Variants in RNF220 observed in about 807,000 individuals in gnomAD.
RNF220 encodes ring finger protein 220.
RNF220 carries 7 observed loss-of-function variants against 67.1 expected under a neutral mutation model. The ratio of observed to expected loss-of-function variants is 0.10; its 90% CI spans 0.06 to 0.20. The LOEUF (loss-of-function observed/expected upper bound fraction) is 0.20. RNF220 is among the 10% of genes least tolerant of loss of function. RNF220 has a pLI of 1.00. For missense variants in RNF220, 565 were observed against 740.3 expected, an observed-to-expected ratio of 0.76 and a Z score of 2.75; for synonymous variants, 270 against 283.2, an observed-to-expected ratio of 0.95 and a Z score of 0.47.
intron 1 of RNF220, among the ~76,000 whole-genome samples, chr1:44,411,555 CGTATAG>C (rs577154540): frequency 6.0e-4 from 91 of 152,168 alleles, no homozygotes; most frequent in African/African-American, 1.8e-3. Context: ...TGTGGGGAAT[CGTATAG>C]GTAGAATGTG....
chr1:44,628,807 A>C (rs58678671), intron 5 of RNF220, among the ~76,000 whole-genome samples: 6,362 of 152,238 alleles, frequency 0.042, 315 homozygotes, highest in East Asian at 0.16. Flanking sequence ...TATCCTTCCA[A>C]ATCCTGCCCA....
chr1:44,497,310 G>A (rs772107499), intron 2 of RNF220, among the ~76,000 whole-genome samples: 1 of 148,188 alleles, frequency 6.7e-6, no homozygotes, highest in South Asian at 2.2e-4. Context: ...TTCTTGGCAC[G>A]TATCTATATG....
At chr1:44,465,615 G>A (rs1654205665) in intron 2 of RNF220, among the ~76,000 whole-genome samples, 1 of 152,026 alleles carries the variant, frequency 6.6e-6, no homozygotes, top group African/African-American at 2.4e-5. Flanking sequence ...GATCAAAAAG[G>A]TTTTAATAGT....
intron 2 of RNF220, among the ~76,000 whole-genome samples, chr1:44,570,101 A>G (rs989054433): frequency 2.6e-5 from 4 of 152,166 alleles, no homozygotes; most frequent in Admixed American, 6.5e-5. Flanking sequence ...CGATGGGTAT[A>G]TATTTTGGGT....
At position 44,412,411 on chromosome 1, in the gene RNF220, A is replaced by G; in HGVS notation, c.314A>G (p.Asp105Gly). ...CCTCAATTTGCTCCCCCAAATCTAGATTGCACCCCAATCAGTATGCTGAAT... is the reference window on the plus strand; with the variant it reads ...CCTCAATTTGCTCCCCCAAATCTAGGTTGCACCCCAATCAGTATGCTGAAT... The part of the protein sequence containing the change: ...LHPQFAPPNL[D>G]CTPISMLNHS... The change falls in exon 2 of 15, where the codon GAT becomes GGT. Residue 105 changes from aspartate (D) to glycine (G), a missense_variant. Physicochemically the swap from Asp to Gly is moderately conservative, Grantham distance 94. Transcript: ENST00000361799. The surrounding 1 kb of genome is among the most constrained non-coding windows in gnomAD (Gnocchi z 5.3). 1 of 1,613,060 alleles carries G rather than the reference A, an allele frequency of 6.2e-7. No individual in the cohort carries two copies. Among genetic ancestry groups the G allele is most frequent in the South Asian group, 1.1e-5 (1 of 91,026 alleles).
chr1:44,558,310 G>A lies in RNF220; in HGVS notation c.626-55855G>A, dbSNP rs371194664. 7.2e-5 allele frequency among the ~76,000 whole-genome samples: 11 copies of A among 152,282 alleles called. No homozygotes were observed. In the East Asian group the frequency reaches 9.6e-4, roughly 13 times the overall value. On this transcript the variant is annotated intron_variant, in intron 2 of 14. Transcript: ENST00000361799. The stretch of plus-strand genomic sequence containing the variant: ...ATGGCCCAGCCCCCACTGTATATGC[G>A]TATGCACACCAAGGGCCATACCTTT...
Position 44,650,881 on chromosome 1 carries a change from TACATACATGC to T in RNF220, c.*113_*122del. 3 of 966,732 alleles carry T rather than the reference TACATACATGC, an allele frequency of 3.1e-6. No individual in the cohort carries two copies. The highest frequency in any genetic ancestry group is 4.9e-6 in the Non-Finnish European group (3 of 608,560). The allele number at this position is 966,732 out of a possible 1,614,324, so 59.9% of individuals were successfully genotyped here. On this transcript the variant is annotated 3_prime_UTR_variant, in exon 15 of 15. Coordinates refer to ENST00000361799, the MANE Select transcript of RNF220 (RefSeq NM_018150.4). This position sits in a 1 kb window ranked among gnomAD's most constrained non-coding sequence, Gnocchi z 4.3. ...CATACTTGCACACAGGTTCCCCATG[TACATACATGC>T]ACATACTCAAACATGCGTACACACA...
At chr1:44,485,184 G>T (rs1656178321) in intron 2 of RNF220, among the ~76,000 whole-genome samples, 1 of 152,112 alleles carries the variant, frequency 6.6e-6, no homozygotes, top group Non-Finnish European at 1.5e-5. Flanking sequence ...CTGTCTTTGT[G>T]GCTCAGTTGA....
intron 2 of RNF220, among the ~76,000 whole-genome samples, chr1:44,460,646 C>G (rs1016537348): frequency 6.6e-6 from 1 of 152,134 alleles, no homozygotes; most frequent in African/African-American, 2.4e-5. Flanking sequence ...CTGCACTAAC[C>G]ACTTCTTACT....
At position 44,416,587 on chromosome 1, in the gene RNF220, G is replaced by A. The variant is rs529696301; in HGVS notation, c.625+3865G>A. ...CCTGCCAGCCTATCCACTCAGCCCA[G>A]ATTGGAGTTGGCGAAGTATACATGC... On this transcript the variant is annotated intron_variant, in intron 2 of 14. Coordinates refer to ENST00000361799, the MANE Select transcript of RNF220 (RefSeq NM_018150.4). Among the ~76,000 whole-genome samples the A allele has an allele frequency of 4.6e-5, 7 of 152,350 alleles. No homozygotes were observed. In the South Asian group the frequency reaches 1.0e-3, roughly 23 times the overall value.
At chr1:44,508,162 C>A (rs1658616206) in intron 2 of RNF220, among the ~76,000 whole-genome samples, 1 of 137,666 alleles carries the variant, frequency 7.3e-6, no homozygotes, top group Non-Finnish European at 1.5e-5. Context: ...AATGACCTTT[C>A]TTTCCCGAGG....
intron 2 of RNF220, among the ~76,000 whole-genome samples, chr1:44,483,563 G>T (rs1471344063): frequency 6.6e-6 from 1 of 152,170 alleles, no homozygotes; most frequent in Non-Finnish European, 1.5e-5. Flanking sequence ...TAGCTAAAGG[G>T]GTATGGAGGT....
intron 2 of RNF220, among the ~76,000 whole-genome samples, chr1:44,530,077 A>G (rs1660717033): frequency 6.6e-6 from 1 of 152,030 alleles, no homozygotes; most frequent in African/African-American, 2.4e-5. Context: ...ATTAAAATTA[A>G]ATAATAAAAA....
chr1:44,535,958 C>T (rs1217499749), intron 2 of RNF220, among the ~76,000 whole-genome samples: 3 of 152,160 alleles, frequency 2.0e-5, no homozygotes, highest in Non-Finnish European at 2.9e-5. Flanking sequence ...GCCTGGGGAG[C>T]GGTGAGAAAG....
At chr1:44,483,290 T>C (rs1178939950) in intron 2 of RNF220, among the ~76,000 whole-genome samples, 1 of 152,196 alleles carries the variant, frequency 6.6e-6, no homozygotes, top group African/African-American at 2.4e-5. Context: ...TGCAGCCGGT[T>C]AGACCTGTTC....
intron 8 of RNF220, chr1:44,643,028 C>G (rs1011262407): frequency 2.0e-5 from 3 of 152,422 alleles, no homozygotes; most frequent in Non-Finnish European, 4.4e-5. Flanking sequence ...GGAGACAGAG[C>G]TGTAACTTGG....
chr1:44,486,240 C>T (rs1325104774), intron 2 of RNF220, among the ~76,000 whole-genome samples: 1 of 151,708 alleles, frequency 6.6e-6, no homozygotes, highest in Non-Finnish European at 1.5e-5. Flanking sequence ...AAGGGGGGGG[C>T]CTTTGGGCGA....
chr1:44,550,327 G>C (rs1662526501), intron 2 of RNF220, among the ~76,000 whole-genome samples: 1 of 152,176 alleles, frequency 6.6e-6, no homozygotes, highest in South Asian at 2.1e-4. Context: ...GGAGATGCTT[G>C]GGGTTATGGA....
intron 2 of RNF220, among the ~76,000 whole-genome samples, chr1:44,508,520 A>G (rs1658654841): frequency 6.6e-6 from 1 of 152,214 alleles, no homozygotes; most frequent in Non-Finnish European, 1.5e-5. Flanking sequence ...ATGGAAGAAC[A>G]TCCGTAGAAG....
Sources: allele counts gnomAD v4.1 joint callset (sites outside exome capture counted in the v4.1 genomes callset), GRCh38; gene constraint gnomAD v4.1.1; non-coding constraint Gnocchi (gnomAD v3.1); transcripts MANE v1.5; gene names NCBI Gene and HGNC (gene_info 2026-07-23, HGNC 2026-07-21).